The following DTNB variants were observed in gnomAD, a reference collection of about 807,000 sequenced individuals.
The protein encoded by DTNB is dystrobrevin beta, also known as DTN-B.
A neutral mutation model predicts 90.7 loss-of-function variants in DTNB; 63 were observed. The observed-to-expected ratio is 0.69, with a 90% CI of 0.57 to 0.86. The LOEUF (loss-of-function observed/expected upper bound fraction) is 0.86, where lower values mean the gene tolerates loss of function less well. Among genes scored for constraint, DTNB ranks in the 40% least tolerant of loss-of-function variants. DTNB has a pLI of 0.00. For missense variants in DTNB, 744 were observed against 807.1 expected, an observed-to-expected ratio of 0.92 and a Z score of 0.95; for synonymous variants, 277 against 286.7, an observed-to-expected ratio of 0.97 and a Z score of 0.34.
At chr2:25,564,282 AC>A (rs1397560601) in intron 8 of DTNB, among the ~76,000 whole-genome samples, 4 of 152,214 alleles carry the variant, frequency 2.6e-5, no homozygotes, top group Non-Finnish European at 1.5e-5. Flanking sequence ...TAGAGACTGC[AC>A]TGAATCTGTA....
At chr2:25,616,954 G>C (rs13409425) in intron 4 of DTNB, among the ~76,000 whole-genome samples, 1 of 97,452 alleles carries the variant, frequency 1.0e-5, no homozygotes, top group African/African-American at 4.3e-5. Flanking sequence ...AAAAAAAAAG[G>C]AAAAAAAAGA....
chr2:25,477,647 A>C (rs2063993625), intron 10 of DTNB, among the ~76,000 whole-genome samples: 1 of 152,178 alleles, frequency 6.6e-6, no homozygotes, highest in Non-Finnish European at 1.5e-5. Flanking sequence ...AGAGAATATT[A>C]TTTGTTGGGA....
chr2:25,595,782 C>T (rs1022967854), intron 6 of DTNB, among the ~76,000 whole-genome samples: 4 of 152,114 alleles, frequency 2.6e-5, no homozygotes, highest in African/African-American at 9.7e-5. Context: ...GTTTCAAGAA[C>T]TCATTTGAAA....
chr2:25,643,652 T>TAC (rs2078830172), intron 2 of DTNB, among the ~76,000 whole-genome samples: 1 of 152,208 alleles, frequency 6.6e-6, no homozygotes, highest in Non-Finnish European at 1.5e-5. Context: ...TTCTGTGTAT[T>TAC]ACACGCTCAT....
intron 9 of DTNB, among the ~76,000 whole-genome samples, chr2:25,528,281 T>C (rs1390939905): frequency 6.6e-6 from 1 of 152,152 alleles, no homozygotes; most frequent in Non-Finnish European, 1.5e-5. Context: ...ACCCGATAAA[T>C]AGTTTCTACA....
chr2:25,462,708 CTT>C (rs70947890), intron 10 of DTNB, among the ~76,000 whole-genome samples: 6 of 146,038 alleles, frequency 4.1e-5, no homozygotes, highest in Non-Finnish European at 6.1e-5. Flanking sequence ...TCAGAACACT[CTT>C]TTTTTTTTTT....
intron 9 of DTNB, among the ~76,000 whole-genome samples, chr2:25,499,181 C>CA (rs34793068): frequency 6.9e-4 from 98 of 142,218 alleles, no homozygotes; most frequent in African/African-American, 8.6e-4. Context: ...CGTGTCATTG[C>CA]AAAAAAAAAA....
intron 9 of DTNB, among the ~76,000 whole-genome samples, chr2:25,499,165 C>T (rs1015850676): frequency 1.3e-4 from 19 of 148,688 alleles, no homozygotes; most frequent in African/African-American, 4.5e-4. Flanking sequence ...CGCACTCAGT[C>T]GAGATCGTGT....
In DTNB at chr2:25,641,914, G is replaced by A. The variant is rs540723771; in HGVS notation, c.68-2820C>T. Among the ~76,000 whole-genome samples, 4 of 152,202 alleles carry A rather than the reference G, an allele frequency of 2.6e-5. No homozygotes were observed. In the South Asian group the frequency reaches 6.2e-4, roughly 24 times the overall value. On this transcript the variant is annotated intron_variant, in intron 2 of 20. Coordinates refer to ENST00000406818, the MANE Select transcript of DTNB (RefSeq NM_021907.5). ...CGGCTTACTGCAAGCTCTGCCTCCC[G>A]GGTTCACGCCATTCTCCTGCCTCAG...
At chr2:25,540,789 A>G (rs1307244943) in intron 8 of DTNB, among the ~76,000 whole-genome samples, 1 of 152,178 alleles carries the variant, frequency 6.6e-6, no homozygotes, top group Non-Finnish European at 1.5e-5. Flanking sequence ...ACTCAGGGTT[A>G]AATGGATTAA....
intron 5 of DTNB, among the ~76,000 whole-genome samples, chr2:25,596,797 A>G (rs1313228883): frequency 2.6e-5 from 4 of 152,350 alleles, no homozygotes; most frequent in South Asian, 2.1e-4. Context: ...AGCAGAATAA[A>G]AGTAACTCAT....
chr2:25,498,485 C>CT (rs1356829657), intron 9 of DTNB, among the ~76,000 whole-genome samples: 2 of 152,072 alleles, frequency 1.3e-5, no homozygotes, highest in African/African-American at 4.8e-5. Flanking sequence ...GCTACAAACT[C>CT]TAAGGATATA....
chr2:25,434,066 G>A, intron 12 of DTNB, 71 bp from the exon 13 acceptor site: 1 of 1,406,832 alleles, frequency 7.1e-7, no homozygotes, highest in Non-Finnish European at 9.8e-7. Context: ...TAGATTGACT[G>A]ATTTTTAAAA....
At chr2:25,493,436 TA>T (rs1444208935) in intron 9 of DTNB, among the ~76,000 whole-genome samples, 3 of 152,192 alleles carry the variant, frequency 2.0e-5, no homozygotes, top group Non-Finnish European at 4.4e-5. Flanking sequence ...AAAACAAATG[TA>T]AAACCCACCC....
At chr2:25,624,829 C>T (rs1215478724) in intron 4 of DTNB, among the ~76,000 whole-genome samples, 2 of 152,016 alleles carry the variant, frequency 1.3e-5, no homozygotes, top group Non-Finnish European at 2.9e-5. Context: ...AACATTGTAC[C>T]GGAGAAACTG....
At chr2:25,390,852 A>G (rs1390356786) in intron 16 of DTNB, among the ~76,000 whole-genome samples, 1 of 152,100 alleles carries the variant, frequency 6.6e-6, no homozygotes, top group Non-Finnish European at 1.5e-5. Flanking sequence ...ATTCTTAGAG[A>G]AAACATAGGG....
At chr2:25,555,291 CAAAA>C (rs1194525010) in intron 8 of DTNB, among the ~76,000 whole-genome samples, 1 of 53,990 alleles carries the variant, frequency 1.9e-5, no homozygotes. Context: ...ACTCCGTCTC[CAAAA>C]AAAAAAAAAA....
chr2:25,448,630 G>A (rs879519301), intron 12 of DTNB, among the ~76,000 whole-genome samples: 11 of 152,082 alleles, frequency 7.2e-5, no homozygotes, highest in African/African-American at 1.4e-4. Flanking sequence ...CGAGGCAGGC[G>A]GATCATGAGG....
At chr2:25,577,437 AAAAAC>A (rs911392559) in intron 7 of DTNB, among the ~76,000 whole-genome samples, 1 of 152,014 alleles carries the variant, frequency 6.6e-6, no homozygotes, top group Non-Finnish European at 1.5e-5. Flanking sequence ...ATTCTGTCTC[AAAAAC>A]AAAACAAAAC....
Sources: gnomAD v4.1 joint callset for allele counts (sites outside exome capture counted in the v4.1 genomes callset) on GRCh38, gnomAD v4.1.1 for gene constraint, MANE v1.5 for transcripts, NCBI Gene and HGNC (gene_info 2026-07-23, HGNC 2026-07-21) for gene names.